The following MED27 variants were observed in gnomAD, a reference collection of about 807,000 sequenced individuals.
The protein encoded by MED27 is mediator complex subunit 27.
A neutral mutation model predicts 38.2 loss-of-function variants in MED27; 30 were observed. That is an observed-to-expected ratio of 0.79 (90% CI 0.59 to 1.07). The LOEUF (loss-of-function observed/expected upper bound fraction) is 1.07, where lower values mean the gene tolerates loss of function less well. Among genes scored for constraint, MED27 ranks in the 50% least tolerant of loss-of-function variants. The pLI is 0.00. For missense variants in MED27, 289 were observed against 397.5 expected (o/e 0.73, Z 2.32); for synonymous variants, 122 against 153.5 (o/e 0.79, Z 1.52).
chr9:132,004,254 A>G (rs948925096), intron 3 of MED27, among the ~76,000 whole-genome samples: 2 of 152,252 alleles, frequency 1.3e-5, no homozygotes, highest in African/African-American at 2.4e-5. Flanking sequence ...CTAATGAAGC[A>G]TAACGACAGA....
At chr9:131,922,461 GAC>G (rs1830411368) in intron 4 of MED27, among the ~76,000 whole-genome samples, 1 of 137,668 alleles carries the variant, frequency 7.3e-6, no homozygotes, top group Non-Finnish European at 1.5e-5. Flanking sequence ...TTTTTTTTGA[GAC>G]ACAGTCACAC....
intron 3 of MED27, among the ~76,000 whole-genome samples, chr9:131,981,132 T>C (rs1312745106): frequency 1.3e-5 from 2 of 152,234 alleles, no homozygotes; most frequent in East Asian, 1.9e-4. Flanking sequence ...ACCCAAAATA[T>C]AAATATGATT....
Position 131,975,712 on chromosome 9 carries a change from G to A in MED27, c.480-36238C>T, listed in dbSNP as rs374993337. On this transcript the variant is annotated intron_variant, in intron 3 of 7. Coordinates refer to ENST00000292035, the MANE Select transcript of MED27 (RefSeq NM_004269.4). Reference sequence around the variant, plus strand: ...ATGTAATAACTGATGAGAAAGGAACGATGGAGAAACACAATGCATTATGAG... The same window carrying A: ...ATGTAATAACTGATGAGAAAGGAACAATGGAGAAACACAATGCATTATGAG... Among the ~76,000 whole-genome samples, 6 of 152,264 alleles carry A rather than the reference G, an allele frequency of 3.9e-5. No homozygotes were observed. The East Asian group carries it at 1.2e-3, about 29-fold the overall frequency.
intron 2 of MED27, among the ~76,000 whole-genome samples, chr9:132,061,583 C>T (rs1218546359): frequency 6.6e-6 from 1 of 152,116 alleles, no homozygotes; most frequent in African/African-American, 2.4e-5. Flanking sequence ...AATAAAATGC[C>T]TTGTTTACAA....
At position 131,895,981 on chromosome 9, in the gene MED27, G is replaced by A. The variant is rs550810741; in HGVS notation, c.574-1989C>T. Among the ~76,000 whole-genome samples the A allele has an allele frequency of 1.0e-4, 15 of 150,252 alleles. No individual in the cohort carries two copies. In the South Asian group the frequency reaches 1.5e-3, roughly 15 times the overall value. ...TGGTGTGATCTCGGCTCACTGCAAC[G>A]TCCATCTCCCAGGTTCAAGCGATTC... is the stretch of plus-strand genomic sequence containing the variant. On this transcript the variant is annotated intron_variant, in intron 4 of 7. Transcript: ENST00000292035.
At chr9:131,923,797 G>A (rs920171308) in intron 4 of MED27, among the ~76,000 whole-genome samples, 1 of 152,018 alleles carries the variant, frequency 6.6e-6, no homozygotes, top group Non-Finnish European at 1.5e-5. Context: ...TTCCTGTGTT[G>A]TTTCCCCAGT....
chr9:131,894,076 C>T, intron 4 of MED27, 84 bp from the exon 5 acceptor site: 1 of 950,076 alleles, frequency 1.1e-6, no homozygotes, highest in Middle Eastern at 2.1e-4. Flanking sequence ...GACCACCTGG[C>T]CAATCCAGTG....
intron 4 of MED27, among the ~76,000 whole-genome samples, chr9:131,935,681 C>G (rs894622030): frequency 6.6e-6 from 1 of 152,142 alleles, no homozygotes; most frequent in Non-Finnish European, 1.5e-5. Flanking sequence ...GAAGGGGTGC[C>G]TCTCAGGGTG....
intron 6 of MED27, among the ~76,000 whole-genome samples, chr9:131,869,958 G>C (rs1268845729): frequency 1.3e-5 from 2 of 152,164 alleles, no homozygotes; most frequent in African/African-American, 4.8e-5. Flanking sequence ...AAACCCAGGA[G>C]AGAATGGAGC....
intron 3 of MED27, among the ~76,000 whole-genome samples, chr9:131,943,601 G>C (rs1386515699): frequency 6.6e-6 from 1 of 152,102 alleles, no homozygotes; most frequent in Non-Finnish European, 1.5e-5. Context: ...TTTTACCTTT[G>C]GAATATAGGC....
At chr9:132,028,177 C>G (rs1832865613) in intron 2 of MED27, among the ~76,000 whole-genome samples, 1 of 152,226 alleles carries the variant, frequency 6.6e-6, no homozygotes. Context: ...GCTCTTCACC[C>G]TGATCTTTGC....
chr9:132,000,959 G>A (rs1220516881), intron 3 of MED27, among the ~76,000 whole-genome samples: 1 of 152,006 alleles, frequency 6.6e-6, no homozygotes, highest in East Asian at 1.9e-4. Flanking sequence ...AATTAGTCAG[G>A]TGTGGTGACA....
At chr9:131,876,326 C>T (rs148649743) in intron 6 of MED27, among the ~76,000 whole-genome samples, 344 of 152,254 alleles carry the variant, frequency 2.3e-3, no homozygotes, top group African/African-American at 7.5e-3. Context: ...TCCAGGGCAA[C>T]GCAGCGTGCC....
In MED27 at chr9:131,889,464, T is replaced by C. The variant is rs1252715990; in HGVS notation, c.681+4421A>G. On this transcript the variant is annotated intron_variant, in intron 5 of 7. Coordinates refer to ENST00000292035, the MANE Select transcript of MED27 (RefSeq NM_004269.4). The surrounding 1 kb of genome is among the most constrained non-coding windows in gnomAD (Gnocchi z 4.2). ...GGTATTCATCTTCAATCCTGCCTTT[T>C]AACATGCTGAGTCGTGGCTCTTGCT... 1.3e-5 allele frequency among the ~76,000 whole-genome samples: 2 copies of C among 152,212 alleles called. No homozygotes were observed. The highest frequency in any genetic ancestry group is 2.9e-5 in the Non-Finnish European group (2 of 68,028).
chr9:132,069,229 G>A (rs935407099), intron 2 of MED27, among the ~76,000 whole-genome samples: 1 of 152,166 alleles, frequency 6.6e-6, no homozygotes, highest in South Asian at 2.1e-4. Flanking sequence ...CTCCCAGACG[G>A]CAAGTTGACA....
intron 4 of MED27, among the ~76,000 whole-genome samples, chr9:131,919,065 G>C (rs1442375284): frequency 6.6e-6 from 1 of 152,132 alleles, no homozygotes; most frequent in African/African-American, 2.4e-5. Flanking sequence ...CCAAGGTTAA[G>C]AGCCCTGAGA....
intron 3 of MED27, among the ~76,000 whole-genome samples, chr9:132,004,238 T>C (rs1274676629): frequency 6.6e-6 from 1 of 152,218 alleles, no homozygotes; most frequent in East Asian, 1.9e-4. Context: ...TTTTACAACA[T>C]ATATGCTAAT....
rs374993574 is a variant in MED27 at position 131,949,391 on chromosome 9, C to T, written c.480-9917G>A. On this transcript the variant is annotated intron_variant, in intron 3 of 7. Coordinates refer to ENST00000292035, the MANE Select transcript of MED27 (RefSeq NM_004269.4). ...CTCTTTGCCTCGCTCAATCTCTCGTCAACTCTGGGAAGTAAGCAGGGCAAG... is the reference window on the plus strand; with the variant it reads ...CTCTTTGCCTCGCTCAATCTCTCGTTAACTCTGGGAAGTAAGCAGGGCAAG... Among the ~76,000 whole-genome samples, 39 of 152,254 alleles carry T rather than the reference C, an allele frequency of 2.6e-4. No homozygotes were observed. The East Asian group carries it at 6.8e-3, about 26-fold the overall frequency.
chr9:131,955,672 A>C (rs1030697439), intron 3 of MED27, among the ~76,000 whole-genome samples: 10 of 152,240 alleles, frequency 6.6e-5, no homozygotes, highest in Admixed American at 6.5e-4. Context: ...TAAGTTATAT[A>C]ACTGACATGA....
Sources: gnomAD v4.1 joint callset for allele counts (sites outside exome capture counted in the v4.1 genomes callset) on GRCh38, gnomAD v4.1.1 for gene constraint, Gnocchi (gnomAD v3.1) non-coding constraint, MANE v1.5 for transcripts, NCBI Gene and HGNC (gene_info 2026-07-23, HGNC 2026-07-21) for gene names.